Variants in SLC35A1 observed in about 807,000 individuals in gnomAD.
SLC35A1 encodes the protein CMP-sialic acid transporter.
In SLC35A1, 21 loss-of-function variants were observed where a neutral mutation model predicts 40.3. The ratio of observed to expected loss-of-function variants is 0.52; its 90% confidence interval spans 0.37 to 0.75. SLC35A1 has a LOEUF of 0.75. Ranked by LOEUF, SLC35A1 falls within the 30% of genes least tolerant of loss-of-function variation. The pLI is 0.00. For synonymous variants in SLC35A1, 146 were observed against 147.3 expected, an observed-to-expected ratio of 0.99 and a Z score of 0.06; for missense variants, 297 against 382.1, an observed-to-expected ratio of 0.78 and a Z score of 1.86.
chr6:87,497,072 C>T (rs987816160), intron 2 of SLC35A1, among the ~76,000 whole-genome samples: 2 of 151,962 alleles, frequency 1.3e-5, no homozygotes, highest in Admixed American at 1.3e-4. Context: ...AAATTATTTA[C>T]CCTCTTCTTT....
chr6:87,502,965 AG>A (rs1427517373), intron 4 of SLC35A1, among the ~76,000 whole-genome samples: 1 of 152,122 alleles, frequency 6.6e-6, no homozygotes, highest in African/African-American at 2.4e-5. Flanking sequence ...GTATTTATTA[AG>A]CTCTTCTTGT....
intron 2 of SLC35A1, among the ~76,000 whole-genome samples, chr6:87,500,093 C>T (rs1486408241): frequency 6.6e-6 from 1 of 152,022 alleles, no homozygotes; most frequent in Non-Finnish European, 1.5e-5. Context: ...CACAACAAGA[C>T]TCCATCTCAA....
intron 2 of SLC35A1, among the ~76,000 whole-genome samples, chr6:87,478,034 C>G (rs957413249): frequency 1.3e-5 from 2 of 152,320 alleles, no homozygotes; most frequent in Non-Finnish European, 2.9e-5. Context: ...AAGTGCTAGG[C>G]ACTGTGCTAT....
chr6:87,492,545 A>ATTTTTTTTTT (rs59459204), intron 2 of SLC35A1, among the ~76,000 whole-genome samples: 1 of 115,042 alleles, frequency 8.7e-6, no homozygotes, highest in Non-Finnish European at 1.7e-5. Context: ...ATTTATCTTG[A>ATTTTTTTTTT]TTTTTTTTTT....
At chr6:87,503,573 G>C (rs559179707) in intron 4 of SLC35A1, among the ~76,000 whole-genome samples, 3 of 152,196 alleles carry the variant, frequency 2.0e-5, no homozygotes, top group Admixed American at 1.3e-4. Flanking sequence ...TTAGCTGGGC[G>C]TGGTGGCAGG....
At chr6:87,495,780 C>G (rs543242985) in intron 2 of SLC35A1, among the ~76,000 whole-genome samples, 2 of 151,914 alleles carry the variant, frequency 1.3e-5, no homozygotes, top group African/African-American at 4.8e-5. Flanking sequence ...CTCAGCCTCC[C>G]GAGTAGCTGG....
chr6:87,497,153 A>T (rs1769755167), intron 2 of SLC35A1, among the ~76,000 whole-genome samples: 1 of 150,564 alleles, frequency 6.6e-6, no homozygotes. Flanking sequence ...ACTTTCTGAT[A>T]CTTTTCTGTT....
intron 2 of SLC35A1, among the ~76,000 whole-genome samples, chr6:87,481,374 GC>G (rs1228458118): frequency 6.7e-6 from 1 of 150,252 alleles, no homozygotes. Flanking sequence ...CCGAGATCGC[GC>G]CATTGCACTC....
At chr6:87,510,411 T>C (rs913465905) in intron 7 of SLC35A1, among the ~76,000 whole-genome samples, 1 of 152,218 alleles carries the variant, frequency 6.6e-6, no homozygotes, top group African/African-American at 2.4e-5. Flanking sequence ...CTTAGCAATC[T>C]TTCAGTTAAC....
chr6:87,511,337 C>T, intron 7 of SLC35A1, 62 bp from the exon 8 acceptor site: 2 of 1,573,550 alleles, frequency 1.3e-6, no homozygotes, highest in Non-Finnish European at 8.7e-7. Context: ...AAATTTTAAA[C>T]TGATCATTAG....
chr6:87,506,300 G>A, intron 4 of SLC35A1, 82 bp from the exon 5 acceptor site: 2 of 1,080,750 alleles, frequency 1.9e-6, no homozygotes, highest in East Asian at 4.7e-5. Context: ...ACTGTAACAG[G>A]TTTTTGTATT....
intron 2 of SLC35A1, among the ~76,000 whole-genome samples, chr6:87,496,693 T>A (rs540621870): frequency 6.8e-6 from 1 of 147,074 alleles, no homozygotes; most frequent in African/African-American, 2.5e-5. Context: ...AGCAGGAGAA[T>A]CACTTGAACC....
At chr6:87,499,627 TA>T (rs1769854630) in intron 2 of SLC35A1, among the ~76,000 whole-genome samples, 1 of 152,172 alleles carries the variant, frequency 6.6e-6, no homozygotes, top group Non-Finnish European at 1.5e-5. Flanking sequence ...TTGGAGTTAG[TA>T]AATTATTCAG....
rs750612821 is a variant in SLC35A1 at position 87,506,349 on chromosome 6, C to T, written c.508-33C>T. On this transcript the variant is annotated intron_variant, in intron 4 of 7. Transcript: ENST00000369552. Reference sequence around the variant, plus strand: ...TCTTGGATGAACTCTGTTTATTAGTCACTAAAAATAACTTTAACAATTAAT... The same window carrying T: ...TCTTGGATGAACTCTGTTTATTAGTTACTAAAAATAACTTTAACAATTAAT... 30 of 1,539,520 alleles carry T rather than the reference C, an allele frequency of 1.9e-5. No individual in the cohort carries two copies. The South Asian group carries it at 2.8e-4, about 14-fold the overall frequency.
chr6:87,495,708 T>C (rs998872228), intron 2 of SLC35A1, among the ~76,000 whole-genome samples: 3 of 151,254 alleles, frequency 2.0e-5, no homozygotes, highest in Non-Finnish European at 2.9e-5. Flanking sequence ...CAGGCTGGAG[T>C]GCAGTGGTGC....
At chr6:87,496,686 A>G (rs1240100343) in intron 2 of SLC35A1, among the ~76,000 whole-genome samples, 3 of 150,624 alleles carry the variant, frequency 2.0e-5, no homozygotes, top group African/African-American at 7.3e-5. Context: ...AGGCTGAAGC[A>G]GGAGAATCAC....
intron 5 of SLC35A1, among the ~76,000 whole-genome samples, chr6:87,508,127 T>C (rs1436745955): frequency 1.3e-5 from 2 of 152,294 alleles, no homozygotes; most frequent in East Asian, 3.9e-4. Flanking sequence ...GCTTTTGTGG[T>C]CTTACTGCTC....
chr6:87,505,081 G>A (rs1038936914), intron 4 of SLC35A1, among the ~76,000 whole-genome samples: 1 of 152,158 alleles, frequency 6.6e-6, no homozygotes, highest in East Asian at 1.9e-4. Flanking sequence ...ACCCCCAGTG[G>A]TGCCACTGCT....
In SLC35A1 at chr6:87,500,540, C is replaced by G; in HGVS notation, c.227C>G (p.Ser76Cys). ...ETGSLGRFKA[S>C]LRENVLGSPK... ...GGTAGTCTGGGTAGATTCAAAGCAT[C>G]TTTAAGAGAAAATGTCTTGGGGAGC... The change falls in exon 3 of 8, where the codon TCT becomes TGT. Residue 76 changes from serine to cysteine, a missense_variant. Ser to Cys is a moderately radical substitution (Grantham distance 112, BLOSUM62 -1). Coordinates refer to ENST00000369552, the MANE Select transcript of SLC35A1 (RefSeq NM_006416.5). The G allele has an allele frequency of 6.2e-7, 1 of 1,614,032 alleles. No homozygotes were observed. The highest frequency in any genetic ancestry group is 8.5e-7 in the Non-Finnish European group (1 of 1,179,986).
Sources: gnomAD v4.1 joint callset for allele counts (sites outside exome capture counted in the v4.1 genomes callset) on GRCh38, gnomAD v4.1.1 for gene constraint, MANE v1.5 for transcripts, NCBI Gene and HGNC (gene_info 2026-07-23, HGNC 2026-07-21) for gene names.